Variants in LILRB1 observed in about 807,000 individuals in gnomAD.
The protein encoded by LILRB1 is leukocyte immunoglobulin-like receptor subfamily B member 1.
LILRB1 carries 59 observed loss-of-function variants against 74.6 expected under a neutral mutation model. That is an observed-to-expected ratio of 0.79 (90% CI 0.64 to 0.98). The LOEUF (loss-of-function observed/expected upper bound fraction) is 0.98. LILRB1 is among the 50% of genes least tolerant of loss of function. The pLI is 0.00. For synonymous variants in LILRB1, 328 were observed against 333.9 expected (o/e 0.98, Z 0.19); for missense variants, 804 against 822.6 (o/e 0.98, Z 0.28).
At chr19:54,623,117 T>A (rs74742124) in intron 1 of LILRB1, among the ~76,000 whole-genome samples, 2 of 152,146 alleles carry the variant, frequency 1.3e-5, no homozygotes, top group African/African-American at 2.4e-5. Context: ...TCTTGGCCTG[T>A]AGCTTTATTT....
chr19:54,631,059 G>A lies in LILRB1; in HGVS notation c.-15G>A, dbSNP rs2063788363. ...GCTCATCCATCCACAGAGCAGGGCA[G>A]TGGGAGGAGACGCCATGACCCCCAT... is the stretch of plus-strand genomic sequence containing the variant. On this transcript the variant is annotated 5_prime_UTR_variant, in exon 2 of 15. It adds an upstream start codon to the 5' untranslated region. Coordinates refer to ENST00000324602, the MANE Select transcript of LILRB1 (RefSeq NM_001081637.3). 1.9e-6 allele frequency: 3 copies of A among 1,614,112 alleles called. No homozygotes were observed. The highest frequency in any genetic ancestry group is 2.5e-6 in the Non-Finnish European group (3 of 1,180,038).
chr19:54,636,279 G>C, intron 13 of LILRB1: 2 of 919,628 alleles, frequency 2.2e-6, no homozygotes, highest in South Asian at 3.6e-5. Context: ...CTTGCAGGAA[G>C]GCCCGTGAGG....
At chr19:54,618,553 T>C (rs272416) in intron 1 of LILRB1, among the ~76,000 whole-genome samples, 8,213 of 152,302 alleles carry the variant, frequency 0.054, 244 homozygotes, top group Admixed American at 0.092. Flanking sequence ...CTCACGCCTG[T>C]AACCCCAGCA....
intron 1 of LILRB1, among the ~76,000 whole-genome samples, chr19:54,620,593 A>G (rs984040215): frequency 6.6e-6 from 1 of 152,188 alleles, no homozygotes; most frequent in African/African-American, 2.4e-5. Flanking sequence ...TCCAGAGAGA[A>G]CAACCAGCTT....
In LILRB1 at chr19:54,634,189, T is replaced by G. The variant is rs1293444442; in HGVS notation, c.1363+168T>G. 2.0e-6 allele frequency: 3 copies of G among 1,501,046 alleles called. No homozygotes were observed. The African/African-American group carries it at 4.2e-5, about 21-fold the overall frequency. The allele number at this position is 1,501,046 out of a possible 1,614,324, so 93.0% of individuals were successfully genotyped here. ...GTGAGAGGCCTGCGGGTGGGAAAGTTCCTTTCAGCTCTGACTCCCAGCTGT... is the reference window on the plus strand; with the variant it reads ...GTGAGAGGCCTGCGGGTGGGAAAGTGCCTTTCAGCTCTGACTCCCAGCTGT... On this transcript the variant is annotated intron_variant, in intron 9 of 14. Coordinates refer to ENST00000324602, the MANE Select transcript of LILRB1 (RefSeq NM_001081637.3).
chr19:54,618,047 G>C (rs1322104148), intron 1 of LILRB1, among the ~76,000 whole-genome samples: 2 of 148,686 alleles, frequency 1.3e-5, no homozygotes, highest in African/African-American at 5.0e-5. Flanking sequence ...GTTGCAGTGA[G>C]CTGGGATCAT....
At position 54,632,541 on chromosome 19, in the gene LILRB1, G is replaced by A. The variant is rs1245719769; in HGVS notation, c.739G>A (p.Gly247Ser). 1 of 1,614,012 alleles carries A rather than the reference G, an allele frequency of 6.2e-7. No individual in the cohort carries two copies. The highest frequency in any genetic ancestry group is 8.5e-7 in the Non-Finnish European group (1 of 1,180,006). ...APEETLTLQCGSDAGYNRFVL... is the reference protein window; with the variant it reads ...APEETLTLQCSSDAGYNRFVL... ...TGAGGAGACCCTGACTCTGCAGTGT[G>A]GCTCTGATGCTGGCTACAACAGATT... is the stretch of plus-strand genomic sequence containing the variant. The change falls in exon 6 of 15, where the codon GGC (glycine) becomes AGC (serine). Residue 247 changes from glycine to serine, a missense_variant. Transcript: ENST00000324602.
In LILRB1 at chr19:54,617,583, G is replaced by A. The variant is rs992089383; in HGVS notation, c.-166+234G>A. Among the ~76,000 whole-genome samples, 3 of 145,866 alleles carry A rather than the reference G, an allele frequency of 2.1e-5. No homozygotes were observed. The East Asian group carries it at 5.8e-4, about 28-fold the overall frequency. On this transcript the variant is annotated intron_variant, in intron 1 of 15. Transcript: ENST00000396331. ...TGTGTGTGTGTGTGTGTGTGTGTGT[G>A]TGTGTGGTGTGTGTGTGTTTAAAAG...
rs1180582935 is a variant in LILRB1, at chr19:54,632,370, G to A, written c.662-94G>A. 5.2e-6 allele frequency: 8 copies of A among 1,547,332 alleles called. No homozygotes were observed. In the African/African-American group the frequency reaches 1.1e-4, roughly 21 times the overall value. ...CAGGGCTCCTGGGGCCAGAGACACA[G>A]GAAGATCAGCAGTGATGTGGCCCCG... On this transcript the variant is annotated intron_variant, in intron 5 of 14. Coordinates refer to ENST00000324602, the MANE Select transcript of LILRB1 (RefSeq NM_001081637.3).
intron 1 of LILRB1, among the ~76,000 whole-genome samples, chr19:54,617,840 A>T (rs1384045440): frequency 2.0e-5 from 3 of 152,034 alleles, no homozygotes; most frequent in Admixed American, 1.3e-4. Context: ...GGTGGCTCAC[A>T]CTTGTATTCC....
intron 9 of LILRB1, chr19:54,634,258 G>A (rs867586685): frequency 3.7e-5 from 56 of 1,517,564 alleles, no homozygotes; most frequent in Middle Eastern, 4.7e-4. Flanking sequence ...TCCCAGACCC[G>A]ATTCCGCGGG....
rs2064434256 is a variant in LILRB1, at chr19:54,636,504, A to G, written c.1664A>G (p.His555Arg). ...GVEMDTRQSPHDEDPQAVTYA... is the reference protein window; with the variant it reads ...GVEMDTRQSPRDEDPQAVTYA... ...ACTGTCTCTCTCCAGCAGAGCCCAC[A>G]CGATGAAGACCCCCAGGCAGTGACG... The change falls in exon 14 of 15, where the codon CAC (histidine) becomes CGC (arginine). Residue 555 changes from histidine (H) to arginine (R), a missense_variant. Physicochemically the swap from His to Arg is conservative, Grantham distance 29 (BLOSUM62 0). Coordinates refer to ENST00000324602, the MANE Select transcript of LILRB1 (RefSeq NM_001081637.3). 1.9e-6 allele frequency: 3 copies of G among 1,611,360 alleles called. No individual in the cohort carries two copies. The East Asian group carries it at 6.7e-5, about 36-fold the overall frequency.
chr19:54,632,431 C>A, intron 5 of LILRB1, 33 bp from the exon 6 acceptor site: 1 of 1,571,020 alleles, frequency 6.4e-7, no homozygotes, highest in South Asian at 1.2e-5. Flanking sequence ...GCCTGAGGGT[C>A]GGCTCCTGGA....
intron 1 of LILRB1, among the ~76,000 whole-genome samples, chr19:54,623,493 G>T (rs115924372): frequency 2.6e-5 from 4 of 152,100 alleles, no homozygotes; most frequent in Non-Finnish European, 4.4e-5. Flanking sequence ...TTTCTGTGGC[G>T]TTGGTTGTAA....
chr19:54,634,072 G>C, intron 9 of LILRB1, 51 bp downstream of exon 9: 2 of 1,560,076 alleles, frequency 1.3e-6, no homozygotes, highest in Non-Finnish European at 1.7e-6. Flanking sequence ...GGGAGGCAGG[G>C]GTGGGTTCTG....
intron 1 of LILRB1, among the ~76,000 whole-genome samples, chr19:54,624,296 C>T (rs1470660146): frequency 6.6e-6 from 1 of 152,138 alleles, no homozygotes; most frequent in Non-Finnish European, 1.5e-5. Context: ...TAGGGAGGAA[C>T]GTTGTCTGTC....
intron 1 of LILRB1, among the ~76,000 whole-genome samples, chr19:54,622,014 C>T (rs996868124): frequency 6.6e-6 from 1 of 152,064 alleles, no homozygotes; most frequent in African/African-American, 2.4e-5. Flanking sequence ...ATCTTTATTT[C>T]TAGTTTCTCT....
upstream of LILRB1, among the ~76,000 whole-genome samples, chr19:54,625,563 G>C (rs1168176959): frequency 6.6e-6 from 1 of 152,132 alleles, no homozygotes; most frequent in Non-Finnish European, 1.5e-5. Context: ...GATCCCAGGG[G>C]CCTCACACCC....
intron 1 of LILRB1, 88 bp downstream of exon 1, chr19:54,630,721 C>T (rs147397544): frequency 2.6e-6 from 2 of 759,664 alleles, no homozygotes; most frequent in Non-Finnish European, 4.6e-6. Flanking sequence ...GAGATGCCTC[C>T]GCTACCCTCG....
Sources: gnomAD v4.1 joint callset for allele counts (sites outside exome capture counted in the v4.1 genomes callset) on GRCh38, gnomAD v4.1.1 for gene constraint, MANE v1.5 for transcripts, NCBI Gene and HGNC (gene_info 2026-07-23, HGNC 2026-07-21) for gene names.